CDK13: variants seen among roughly 807,000 people sequenced by gnomAD.
CDK13 encodes the protein cyclin dependent kinase 13, also known as cyclin-dependent kinase 13.
CDK13 carries 40 observed loss-of-function variants against 137.6 expected under a neutral mutation model. That is an observed-to-expected ratio of 0.29 (90% CI 0.23 to 0.38). CDK13 has a LOEUF of 0.38. Among genes scored for constraint, CDK13 ranks in the 10% least tolerant of loss-of-function variants. The pLI is 1.00. For synonymous variants in CDK13, 869 were observed against 760.1 expected (o/e 1.14, Z -2.36); for missense variants, 1,704 against 1,951.8 (o/e 0.87, Z 2.39).
At chr7:39,998,440 TA>T (rs1256344902) in intron 3 of CDK13, 2 of 51,676 alleles carry the variant, frequency 3.9e-5, no homozygotes, top group African/African-American at 1.2e-4. Flanking sequence ...ACCCCATCTC[TA>T]CCAAAAAAAA....
chr7:39,999,037 A>T (rs1208510036), intron 3 of CDK13: 1 of 173,742 alleles, frequency 5.8e-6, no homozygotes, highest in East Asian at 1.5e-4. Flanking sequence ...GAGAATTTTG[A>T]CTCTACTAGT....
At chr7:39,958,009 C>T (rs376380211) in intron 1 of CDK13, among the ~76,000 whole-genome samples, 10 of 152,016 alleles carry the variant, frequency 6.6e-5, no homozygotes, top group African/African-American at 2.4e-4. Flanking sequence ...AGCAAAAGTA[C>T]CAAGCTAAAA....
At chr7:40,020,972 T>C (rs2116397319) in intron 5 of CDK13, among the ~76,000 whole-genome samples, 1 of 152,050 alleles carries the variant, frequency 6.6e-6, no homozygotes, top group East Asian at 1.9e-4. Context: ...GTGCCTGTAG[T>C]CCCAGCTACT....
chr7:39,988,848 G>A (rs573484209), intron 2 of CDK13, among the ~76,000 whole-genome samples: 4 of 152,064 alleles, frequency 2.6e-5, no homozygotes, highest in South Asian at 2.1e-4. Context: ...TTGGGAGGCC[G>A]AGGCGGGTGG....
rs1031589396 is a variant in CDK13, at chr7:39,967,499, A to G, written c.1211+15647A>G. ...AAAAAAAAAATCCGTTCATCTAACA[A>G]TGGACACCTAGGTTGCTTCCATATC... On this transcript the variant is annotated intron_variant, in intron 1 of 13. Coordinates refer to ENST00000181839, the MANE Select transcript of CDK13 (RefSeq NM_003718.5). Among the ~76,000 whole-genome samples, 8 of 152,148 alleles carry G rather than the reference A, an allele frequency of 5.3e-5. No homozygotes were observed. The East Asian group carries it at 1.3e-3, about 26-fold the overall frequency.
In CDK13 at chr7:39,988,174, A is replaced by G; in HGVS notation, c.1787A>G (p.Lys596Arg). 6.2e-7 allele frequency: 1 copy of G among 1,614,194 alleles called. No homozygotes were observed. The highest frequency in any genetic ancestry group is 1.7e-5 in the Admixed American group (1 of 60,022). The stretch of plus-strand genomic sequence containing the variant: ...ACACCAAGCATAGGAGCCAAGGAGA[A>G]GGAGCAACATGTAGCTTTAGTCACC... Reference protein sequence around the residue: ...PLTPSIGAKEKEQHVALVTST... With the variant: ...PLTPSIGAKEREQHVALVTST... Residue 596 changes from lysine (K) to arginine (R), a missense_variant, in exon 2 of 14, where the codon AAG becomes AGG. Coordinates refer to ENST00000181839, the MANE Select transcript of CDK13 (RefSeq NM_003718.5).
chr7:39,977,477 G>C (rs1784135128), intron 1 of CDK13, among the ~76,000 whole-genome samples: 1 of 152,182 alleles, frequency 6.6e-6, no homozygotes, highest in Non-Finnish European at 1.5e-5. Context: ...AAACAGAATT[G>C]TGATGGGATC....
At chr7:39,963,250 C>T (rs1783791265) in intron 1 of CDK13, among the ~76,000 whole-genome samples, 1 of 152,138 alleles carries the variant, frequency 6.6e-6, no homozygotes. Flanking sequence ...TTCTTCCTAC[C>T]CATGAGCTTG....
In CDK13 at chr7:39,981,058, C is replaced by T. The variant is rs143623880; in HGVS notation, c.1212-6541C>T. ...TATTCATTAATTTCTACAACAGTGT[C>T]GGAATATTAGGAAAACATTTTTAGA... On this transcript the variant is annotated intron_variant, in intron 1 of 13. Transcript: ENST00000181839. 4.4e-3 allele frequency among the ~76,000 whole-genome samples: 663 copies of T among 152,190 alleles called. 5 individuals are homozygous for T. Among genetic ancestry groups the T allele is most frequent in the African/African-American group, 0.014 (591 of 41,522 alleles).
At chr7:39,998,514 G>A (rs1332343396) in intron 3 of CDK13, 3 of 151,070 alleles carry the variant, frequency 2.0e-5, no homozygotes, top group African/African-American at 7.4e-5. Context: ...AGCTACTCAG[G>A]AGGCTAAGGC....
At chr7:39,985,574 A>AGTAT (rs1323397180) in intron 1 of CDK13, 1 of 152,166 alleles carries the variant, frequency 6.6e-6, no homozygotes, top group African/African-American at 2.4e-5. Context: ...TGGTTATACT[A>AGTAT]ATTTACATTC....
chr7:39,966,366 C>T (rs556371671), intron 1 of CDK13, among the ~76,000 whole-genome samples: 107 of 152,060 alleles, frequency 7.0e-4, no homozygotes, highest in Non-Finnish European at 1.2e-3. Flanking sequence ...ATTTCATCTT[C>T]CATCACTGAT....
chr7:39,999,646 A>G lies in CDK13; in HGVS notation c.2182+146A>G, dbSNP rs79353776. ...GTTTCATCTTGTTTTTTTATTCTAT[A>G]TATGCATTTTGTAAGATATGAGTAC... is the stretch of plus-strand genomic sequence containing the variant. On this transcript the variant is annotated intron_variant, in intron 4 of 13. Coordinates refer to ENST00000181839, the MANE Select transcript of CDK13 (RefSeq NM_003718.5). 5.4e-3 allele frequency: 4,294 copies of G among 791,728 alleles called. 131 individuals carry two copies. In the African/African-American group the frequency reaches 0.069, roughly 13 times the overall value. The allele number at this position is 791,728 out of a possible 1,614,324, so 49.0% of individuals were successfully genotyped here. A position where few individuals can be genotyped will look rare whatever the true frequency, so the allele number is the denominator to read the frequency against.
intron 9 of CDK13, among the ~76,000 whole-genome samples, chr7:40,076,557 TGAG>T (rs1304348297): frequency 6.6e-6 from 1 of 151,596 alleles, no homozygotes; most frequent in Non-Finnish European, 1.5e-5. Context: ...GGAGTAGGGT[TGAG>T]GAGGTTGTGA....
chr7:39,956,092 G>A (rs1029714153), intron 1 of CDK13, among the ~76,000 whole-genome samples: 1 of 151,398 alleles, frequency 6.6e-6, no homozygotes, highest in Non-Finnish European at 1.5e-5. Context: ...AAGATATTCC[G>A]TAATGAAAAA....
intron 5 of CDK13, among the ~76,000 whole-genome samples, chr7:40,022,230 A>G (rs1334815189): frequency 6.6e-6 from 1 of 152,230 alleles, no homozygotes; most frequent in Non-Finnish European, 1.5e-5. Context: ...CACAGTGACC[A>G]GATCTTTCTC....
chr7:40,070,883 A>C (rs138145068), intron 9 of CDK13: 72 of 152,342 alleles, frequency 4.7e-4, no homozygotes, highest in African/African-American at 1.7e-3. Flanking sequence ...CAGTCAGCTG[A>C]AGAGCCTTTA....
At chr7:39,983,687 T>G (rs1784276825) in intron 1 of CDK13, among the ~76,000 whole-genome samples, 1 of 152,180 alleles carries the variant, frequency 6.6e-6, no homozygotes, top group Non-Finnish European at 1.5e-5. Flanking sequence ...CTTACCTTTC[T>G]GCTACTCATC....
intron 5 of CDK13, among the ~76,000 whole-genome samples, chr7:40,025,988 G>T (rs1304929048): frequency 6.6e-6 from 1 of 152,148 alleles, no homozygotes; most frequent in Non-Finnish European, 1.5e-5. Flanking sequence ...GACACTCAGG[G>T]TTAGTTCTTG....
Sources: gnomAD v4.1 joint callset for allele counts (sites outside exome capture counted in the v4.1 genomes callset) on GRCh38, gnomAD v4.1.1 for gene constraint, MANE v1.5 for transcripts, NCBI Gene and HGNC (gene_info 2026-07-23, HGNC 2026-07-21) for gene names.